Variants in KNTC1 observed in about 807,000 individuals in gnomAD.
KNTC1 encodes kinetochore associated 1.
A neutral mutation model predicts 314.4 loss-of-function variants in KNTC1; 253 were observed. That is an observed-to-expected ratio of 0.80 (90% confidence interval 0.73 to 0.89). The LOEUF is 0.89. Among genes scored for constraint, KNTC1 ranks in the 40% least tolerant of loss-of-function variants. KNTC1 has a pLI of 0.00. For missense variants in KNTC1, 2,475 were observed against 2,572.9 expected, an observed-to-expected ratio of 0.96 and a Z score of 0.82; for synonymous variants, 901 against 901.4, an observed-to-expected ratio of 1.00 and a Z score of 0.01.
At chr12:122,558,360 AAT>A (rs1470103703) in intron 18 of KNTC1, among the ~76,000 whole-genome samples, 1 of 152,088 alleles carries the variant, frequency 6.6e-6, no homozygotes, top group Non-Finnish European at 1.5e-5. Flanking sequence ...CAGCCTGGCC[AAT>A]ATGGTGAGAC....
At chr12:122,605,505 C>T in intron 51 of KNTC1, 90 bp downstream of exon 51, 1 of 653,366 alleles carries the variant, frequency 1.5e-6, no homozygotes, top group South Asian at 2.0e-5. Context: ...CATGATACAG[C>T]CTTCTAATTA....
rs911552124 is a variant in KNTC1, at chr12:122,565,009, C to T, written c.1604+2310C>T. Among the ~76,000 whole-genome samples, 34 of 152,086 alleles carry T rather than the reference C, an allele frequency of 2.2e-4. 1 individual carries two copies. Among genetic ancestry groups the T allele is most frequent in the Non-Finnish European group, 5.9e-5 (4 of 68,012 alleles). The stretch of plus-strand genomic sequence containing the variant: ...ATTCATCCAAACTTGGCTTCCAAAG[C>T]ACCTTTTCCAATAGAATGAGTAGGG... On this transcript the variant is annotated intron_variant, in intron 20 of 63. Transcript: ENST00000333479.
chr12:122,565,137 G>T (rs906528093), intron 20 of KNTC1, among the ~76,000 whole-genome samples: 2 of 151,332 alleles, frequency 1.3e-5, no homozygotes, highest in Non-Finnish European at 2.9e-5. Context: ...TTACCACATG[G>T]ATTTGATTTC....
intron 63 of KNTC1, among the ~76,000 whole-genome samples, chr12:122,625,801 A>T (rs923910998): frequency 5.9e-5 from 9 of 151,992 alleles, no homozygotes; most frequent in Admixed American, 5.3e-4. Context: ...TTTTACTTTG[A>T]TCATATTTTG....
chr12:122,599,019 T>C (rs1871451681), intron 44 of KNTC1, among the ~76,000 whole-genome samples: 1 of 152,062 alleles, frequency 6.6e-6, no homozygotes, highest in Admixed American at 6.5e-5. Context: ...AAAAAAATTT[T>C]TTTGTGCAGA....
Position 122,621,864 on chromosome 12 carries a change from C to T in KNTC1, c.6280-17C>T, listed in dbSNP as rs1204988217. On this transcript the variant is annotated splice_polypyrimidine_tract_variant and intron_variant, in intron 60 of 63. Transcript: ENST00000333479. ...TAATAACAATTTTCTATTAATTCTG[C>T]TTTGATTTTTCTCTAGAATTTTCTG... 2 of 1,500,164 alleles carry T rather than the reference C, an allele frequency of 1.3e-6. No individual in the cohort carries two copies. The highest frequency in any genetic ancestry group is 1.9e-5 in the Admixed American group (1 of 52,260). 92.9% of individuals were successfully genotyped at this position (1,500,164 alleles called of 1,614,324 possible).
chr12:122,608,130 G>A (rs1025493453), intron 51 of KNTC1, among the ~76,000 whole-genome samples: 4 of 152,048 alleles, frequency 2.6e-5, no homozygotes, highest in Non-Finnish European at 5.9e-5. Context: ...TTGTTTGTTT[G>A]AGATAGGGTC....
intron 33 of KNTC1, 142 bp from the exon 34 acceptor site, chr12:122,582,563 A>G: frequency 1.4e-6 from 1 of 705,900 alleles, no homozygotes; most frequent in Non-Finnish European, 2.3e-6. Context: ...ATCACACAAT[A>G]TACCCAGGTG....
chr12:122,579,025 C>CTTTTTTTTTTTTT (rs74421837), intron 31 of KNTC1, among the ~76,000 whole-genome samples: 1 of 75,256 alleles, frequency 1.3e-5, no homozygotes, highest in Non-Finnish European at 2.6e-5. Flanking sequence ...AGTCTGTATT[C>CTTTTTTTTTTTTT]TTTTTTTTTT....
intron 8 of KNTC1, among the ~76,000 whole-genome samples, chr12:122,545,565 T>C (rs1220844641): frequency 1.3e-5 from 2 of 152,248 alleles, no homozygotes; most frequent in Non-Finnish European, 2.9e-5. Flanking sequence ...ATGAAAATAC[T>C]TATCAAAGAC....
intron 63 of KNTC1, among the ~76,000 whole-genome samples, 171 bp from the exon 64 acceptor site, chr12:122,626,034 G>A (rs542258962): frequency 7.2e-5 from 11 of 152,044 alleles, no homozygotes; most frequent in African/African-American, 1.7e-4. Flanking sequence ...GTATTGATTC[G>A]GGAGATAAAT....
chr12:122,612,698 G>A (rs1214824694), intron 53 of KNTC1, among the ~76,000 whole-genome samples: 1 of 152,188 alleles, frequency 6.6e-6, no homozygotes, highest in Non-Finnish European at 1.5e-5. Context: ...GATTACAGGC[G>A]TGAGCCACTG....
chr12:122,576,914 T>G lies in KNTC1; in HGVS notation c.2606T>G (p.Leu869Arg). 2 of 1,589,224 alleles carry G rather than the reference T, an allele frequency of 1.3e-6. No homozygotes were observed. Among genetic ancestry groups the G allele is most frequent in the Non-Finnish European group, 1.7e-6 (2 of 1,170,868 alleles). Residue 869 changes from leucine to arginine, a missense_variant, in exon 30 of 64, where the codon CTC becomes CGC. Coordinates refer to ENST00000333479, the MANE Select transcript of KNTC1 (RefSeq NM_014708.6). ...TTGCAGAGAGTGGTTAGATACATTC[T>G]CAAACAAGATGTCCCATCTTCTTTA... ...KEIMRVVRYI[L>R]KQDVPSSLED...
At chr12:122,616,332 G>A (rs557030059) in intron 57 of KNTC1, among the ~76,000 whole-genome samples, 4 of 150,016 alleles carry the variant, frequency 2.7e-5, no homozygotes, top group Admixed American at 6.7e-5. Context: ...GTGTGATCTC[G>A]GCTCATTGCA....
At chr12:122,551,149 T>G (rs868275311) in intron 13 of KNTC1, among the ~76,000 whole-genome samples, 170 bp from the exon 14 acceptor site, 1 of 52,844 alleles carries the variant, frequency 1.9e-5, no homozygotes, top group African/African-American at 1.7e-4. Flanking sequence ...TTTCCCAGTG[T>G]TTTTTTTTTC....
chr12:122,553,224 G>T (rs1424163191), intron 16 of KNTC1, among the ~76,000 whole-genome samples: 1 of 152,044 alleles, frequency 6.6e-6, no homozygotes, highest in Non-Finnish European at 1.5e-5. Flanking sequence ...CAAATGGAAG[G>T]AAGGGCAGGG....
chr12:122,547,775 T>C, intron 11 of KNTC1, 140 bp from the exon 12 acceptor site: 1 of 609,984 alleles, frequency 1.6e-6, no homozygotes, highest in South Asian at 2.3e-5. Flanking sequence ...TCTATTACAT[T>C]TTATTTTTTA....
chr12:122,587,153 C>T (rs1011240235), intron 38 of KNTC1, among the ~76,000 whole-genome samples: 4 of 152,130 alleles, frequency 2.6e-5, no homozygotes, highest in Non-Finnish European at 5.9e-5. Context: ...GTGGTGTGCT[C>T]CTGTAGTCCT....
intron 20 of KNTC1, chr12:122,563,753 G>T (rs1964129068): frequency 1.4e-6 from 2 of 1,431,570 alleles, no homozygotes; most frequent in Admixed American, 2.5e-5. Context: ...GAATGATCTG[G>T]CTCTTCTTGT....
Sources: gnomAD v4.1 joint callset for allele counts (sites outside exome capture counted in the v4.1 genomes callset) on GRCh38, gnomAD v4.1.1 for gene constraint, MANE v1.5 for transcripts, NCBI Gene and HGNC (gene_info 2026-07-23, HGNC 2026-07-21) for gene names.